Variants in CASP6 observed in about 807,000 individuals in gnomAD.
CASP6 encodes caspase-6.
CASP6 carries 20 observed loss-of-function variants against 31.8 expected under a neutral mutation model. The ratio of observed to expected loss-of-function variants is 0.63; its 90% CI spans 0.44 to 0.91. The LOEUF (loss-of-function observed/expected upper bound fraction) is 0.91, where lower values mean the gene tolerates loss of function less well. Ranked by LOEUF, CASP6 falls within the 40% of genes least tolerant of loss-of-function variation. The pLI, the probability that CASP6 is intolerant of heterozygous loss-of-function variation, is 0.00. For synonymous variants in CASP6, 130 were observed against 127.8 expected (o/e 1.02, Z -0.12); for missense variants, 328 against 361.1 (o/e 0.91, Z 0.74).
rs1200835961 is a variant in CASP6 at position 109,696,568 on chromosome 4, A to C, written c.231-82T>G. ...CCTTACTTTGGAAGAATCTATACACATTTTAACGACACATAAATTTGCTTT... is the reference window on the plus strand; with the variant it reads ...CCTTACTTTGGAAGAATCTATACACCTTTTAACGACACATAAATTTGCTTT... On this transcript the variant is annotated intron_variant, in intron 3 of 6. Coordinates refer to ENST00000265164, the MANE Select transcript of CASP6 (RefSeq NM_001226.4). 9.7e-5 allele frequency: 83 copies of C among 856,028 alleles called. No homozygotes were observed. The East Asian group carries it at 2.1e-3, about 21-fold the overall frequency. 53.0% of individuals were successfully genotyped at this position (856,028 alleles called of 1,614,324 possible). A position where few individuals can be genotyped will look rare whatever the true frequency, so the allele number is the denominator to read the frequency against.
chr4:109,707,831 G>T (rs556146000), upstream of CASP6, among the ~76,000 whole-genome samples: 76 of 152,308 alleles, frequency 5.0e-4, 1 homozygote, highest in African/African-American at 1.8e-3. Context: ...CAGCCAAACA[G>T]TGTGCCAACA....
chr4:109,666,040 G>A, the CASP6 span, among the ~76,000 whole-genome samples: 2 of 152,198 alleles, frequency 1.3e-5, no homozygotes, highest in East Asian at 1.9e-4. Flanking sequence ...GGGAGGAGAC[G>A]AGGCAGTAAA....
chr4:109,674,236 T>C, the CASP6 span: 96 of 714,296 alleles, frequency 1.3e-4, no homozygotes, highest in Non-Finnish European at 2.1e-4. Context: ...GATGGTAACA[T>C]GGCATTTTGA....
At chr4:109,685,256 T>A, downstream of CASP6, 1 of 1,310,674 alleles carries the variant, frequency 7.6e-7, no homozygotes, top group Non-Finnish European at 1.1e-6. Flanking sequence ...TTAAGGATTA[T>A]ACTTACTCAG....
At chr4:109,706,546 G>C (rs1369824949), upstream of CASP6, among the ~76,000 whole-genome samples, 1 of 152,106 alleles carries the variant, frequency 6.6e-6, no homozygotes, top group Non-Finnish European at 1.5e-5. Context: ...GCAGGGTTTG[G>C]GGGGATTGAC....
upstream of CASP6, among the ~76,000 whole-genome samples, chr4:109,708,142 C>T (rs768167857): frequency 1.3e-5 from 2 of 152,184 alleles, no homozygotes; most frequent in Non-Finnish European, 1.5e-5. Context: ...TTGGTAACTT[C>T]TACATGTGCC....
rs951209953 is a variant in CASP6, at chr4:109,690,727, G to A, written c.643+123C>T. On this transcript the variant is annotated intron_variant, in intron 6 of 6. Transcript: ENST00000265164. ...ATGTGGTCAAAGAAATTCTAAGTCTGTGAGCTTCAGGATGGAATCACCATG... is the reference window on the plus strand; with the variant it reads ...ATGTGGTCAAAGAAATTCTAAGTCTATGAGCTTCAGGATGGAATCACCATG... 8.4e-6 allele frequency: 8 copies of A among 958,068 alleles called. No individual in the cohort carries two copies. The African/African-American group carries it at 1.3e-4, about 16-fold the overall frequency. The allele number at this position is 958,068 out of a possible 1,614,324, so 59.3% of individuals were successfully genotyped here.
chr4:109,674,498 C>T, the CASP6 span, among the ~76,000 whole-genome samples: 1 of 152,186 alleles, frequency 6.6e-6, no homozygotes, highest in Non-Finnish European at 1.5e-5. Flanking sequence ...TATAAGAGTC[C>T]TATTTGCCCC....
the CASP6 span, among the ~76,000 whole-genome samples, chr4:109,708,710 A>C: frequency 6.6e-6 from 1 of 152,198 alleles, no homozygotes; most frequent in African/African-American, 2.4e-5. Flanking sequence ...TAAGTATCTT[A>C]TTATCTCAAC....
downstream of CASP6, among the ~76,000 whole-genome samples, chr4:109,683,858 G>A (rs1199601448): frequency 6.6e-6 from 1 of 152,316 alleles, no homozygotes; most frequent in African/African-American, 2.4e-5. Context: ...TTGGGTTTCA[G>A]AGGATGACTT....
At chr4:109,669,072 A>G in the CASP6 span, among the ~76,000 whole-genome samples, 13 of 152,124 alleles carry the variant, frequency 8.5e-5, no homozygotes, top group Admixed American at 5.9e-4. Flanking sequence ...ATCAATTAAG[A>G]ATAATAAAAA....
the CASP6 span, among the ~76,000 whole-genome samples, chr4:109,666,852 T>A: frequency 6.6e-6 from 1 of 152,180 alleles, no homozygotes; most frequent in Non-Finnish European, 1.5e-5. Context: ...GATATTATCA[T>A]GTGATTTTTC....
At chr4:109,672,766 C>G in the CASP6 span, among the ~76,000 whole-genome samples, 1 of 152,136 alleles carries the variant, frequency 6.6e-6, no homozygotes, top group East Asian at 1.9e-4. Flanking sequence ...TGAAGCAGCT[C>G]CAGCTAACCA....
At chr4:109,694,738 A>C in intron 4 of CASP6, 38 bp from the exon 5 acceptor site, 1 of 1,454,058 alleles carries the variant, frequency 6.9e-7, no homozygotes, top group Non-Finnish European at 9.1e-7. Context: ...AAATGAAAAT[A>C]TGATGCTTGT....
chr4:109,701,106 C>G, intron 1 of CASP6, among the ~76,000 whole-genome samples: 1 of 151,856 alleles, frequency 6.6e-6, no homozygotes, highest in East Asian at 1.9e-4. Context: ...TACAGGCATG[C>G]GCCACCACAC....
At position 109,690,944 on chromosome 4, in the gene CASP6, C is replaced by T; in HGVS notation, c.549G>A (p.Glu183=). Residue 183 remains glutamate (E), a synonymous_variant, in exon 6 of 7, where the codon GAG becomes GAA. Coordinates refer to ENST00000265164, the MANE Select transcript of CASP6 (RefSeq NM_001226.4). The stretch of plus-strand genomic sequence containing the variant: ...CCTCAGTTATGTTGGTGTCCAACTT[C>T]TCTGTCTGATTATCTACTACATCCA... ...IPLDVVDNQT[E]KLDTNITEVD... 6.2e-7 allele frequency: 1 copy of T among 1,613,974 alleles called. No individual in the cohort carries two copies. Among genetic ancestry groups the T allele is most frequent in the Non-Finnish European group, 8.5e-7 (1 of 1,179,936 alleles).
At chr4:109,684,058 C>T (rs1468277266), downstream of CASP6, among the ~76,000 whole-genome samples, 3 of 147,938 alleles carry the variant, frequency 2.0e-5, no homozygotes, top group Non-Finnish European at 3.0e-5. Context: ...TCAAGAGTTC[C>T]TCTTTTCTTT....
chr4:109,669,700 T>G, the CASP6 span, among the ~76,000 whole-genome samples: 1 of 134,586 alleles, frequency 7.4e-6, no homozygotes, highest in Non-Finnish European at 1.5e-5. Flanking sequence ...CTGTTCTGGT[T>G]TTTTTTTTTT....
rs1002540001 is a variant in CASP6 at position 109,688,668 on chromosome 4, G to A, written c.*662C>T. On this transcript the variant is annotated 3_prime_UTR_variant, in exon 7 of 7. Transcript: ENST00000265164. The stretch of plus-strand genomic sequence containing the variant: ...TTATTAAGGGATGATTTAATTCCTG[G>A]ATTTCAAAAACCTTTAAAAACATCA... 1 of 152,038 alleles carries A rather than the reference G, an allele frequency of 6.6e-6. No individual in the cohort carries two copies. Among genetic ancestry groups the A allele is most frequent in the African/African-American group, 2.4e-5 (1 of 41,404 alleles). The allele number at this position is 152,038 out of a possible 1,614,324, so 9.4% of individuals were successfully genotyped here. A position where few individuals can be genotyped will look rare whatever the true frequency, so the allele number is the denominator to read the frequency against.
Sources: gnomAD v4.1 joint callset for allele counts (sites outside exome capture counted in the v4.1 genomes callset) on GRCh38, gnomAD v4.1.1 for gene constraint, MANE v1.5 for transcripts, NCBI Gene and HGNC (gene_info 2026-07-23, HGNC 2026-07-21) for gene names.